The following ADGRG5 variants were observed in gnomAD, a reference collection of about 807,000 sequenced individuals.
ADGRG5 encodes adhesion G protein-coupled receptor G5, also known as G protein-coupled receptor 114.
Under a neutral mutation model 53.2 loss-of-function variants are expected in ADGRG5, and 37 were observed. That is an observed-to-expected ratio of 0.70 (90% CI 0.53 to 0.91). The LOEUF (loss-of-function observed/expected upper bound fraction) is 0.91, where lower values mean the gene tolerates loss of function less well. ADGRG5 is among the 40% of genes least tolerant of loss of function. ADGRG5 has a pLI of 0.00. For missense variants in ADGRG5, 614 were observed against 675.8 expected, an observed-to-expected ratio of 0.91 and a Z score of 1.01; for synonymous variants, 277 against 290.4, an observed-to-expected ratio of 0.95 and a Z score of 0.47.
chr16:57,563,692 T>C (rs2033060481), intron 4 of ADGRG5, among the ~76,000 whole-genome samples, 156 bp from the exon 5 acceptor site: 1 of 152,126 alleles, frequency 6.6e-6, no homozygotes, highest in African/African-American at 2.4e-5. Flanking sequence ...AGGCCTGGGA[T>C]CTTGGGAAGT....
chr16:57,540,571 G>T (rs1271934556), upstream of ADGRG5, among the ~76,000 whole-genome samples: 1 of 152,156 alleles, frequency 6.6e-6, no homozygotes, highest in East Asian at 1.9e-4. Context: ...CTTCCTGGAG[G>T]AGCAGGAGGC....
chr16:57,547,726 C>T (rs1438261867), intron 1 of ADGRG5, among the ~76,000 whole-genome samples: 32 of 151,418 alleles, frequency 2.1e-4, no homozygotes, highest in Admixed American at 2.1e-3. Context: ...GGATTACAGG[C>T]GTGAGCCACT....
chr16:57,529,320 C>G, the ADGRG5 span: 8 of 1,091,188 alleles, frequency 7.3e-6, no homozygotes, highest in Non-Finnish European at 9.0e-6. The surrounding 1 kb of genome is among the most constrained non-coding windows in gnomAD (Gnocchi z 4.1). Context: ...GACGCCTCCT[C>G]GGACCTACGG....
chr16:57,559,812 T>A (rs1183837068), intron 1 of ADGRG5, among the ~76,000 whole-genome samples: 1 of 152,144 alleles, frequency 6.6e-6, no homozygotes, highest in African/African-American at 2.4e-5. Flanking sequence ...TACTCCCATC[T>A]GACTCTCTAC....
chr16:57,563,622 C>T (rs1279045740), intron 4 of ADGRG5, among the ~76,000 whole-genome samples: 1 of 152,194 alleles, frequency 6.6e-6, no homozygotes, highest in Non-Finnish European at 1.5e-5. Flanking sequence ...GAGGTAGCTC[C>T]ATCTTCAGGG....
chr16:57,555,059 A>G (rs2032851112), intron 1 of ADGRG5, among the ~76,000 whole-genome samples: 1 of 151,928 alleles, frequency 6.6e-6, no homozygotes, highest in African/African-American at 2.4e-5. Flanking sequence ...ATCCTTTTAT[A>G]TTTATTGAGA....
upstream of ADGRG5, among the ~76,000 whole-genome samples, chr16:57,539,601 C>T (rs138223913): frequency 1.1e-3 from 169 of 151,286 alleles, 1 homozygote; most frequent in African/African-American, 4.0e-3. Context: ...TACAGGGGCA[C>T]GTTACCATGA....
At chr16:57,542,767 C>G (rs2146742529) in intron 1 of ADGRG5, 66 bp downstream of exon 1, 2 of 152,478 alleles carry the variant, frequency 1.3e-5, no homozygotes, top group Middle Eastern at 3.4e-3. Context: ...CCACAGGCCC[C>G]TCAGTGGGCA....
intron 5 of ADGRG5, 125 bp downstream of exon 5, chr16:57,564,104 C>A: frequency 9.7e-7 from 1 of 1,033,170 alleles, no homozygotes; most frequent in Non-Finnish European, 1.4e-6. Context: ...GCCATCTGTG[C>A]AATCCAAGCC....
At chr16:57,542,436 T>A (rs1598088376), upstream of ADGRG5, 1 of 152,436 alleles carries the variant, frequency 6.6e-6, no homozygotes, top group South Asian at 2.1e-4. Flanking sequence ...CTGCAGACTC[T>A]ACGGGGTGAT....
chr16:57,543,738 G>A (rs1391111801), intron 1 of ADGRG5, among the ~76,000 whole-genome samples: 7 of 152,098 alleles, frequency 4.6e-5, no homozygotes, highest in African/African-American at 1.7e-4. Context: ...GGTGGGCTTC[G>A]GGGGTGCATG....
chr16:57,557,709 T>C (rs1405110731), intron 1 of ADGRG5, among the ~76,000 whole-genome samples: 1 of 152,238 alleles, frequency 6.6e-6, no homozygotes. Context: ...TATTACACTA[T>C]CATCAAGTTC....
At chr16:57,536,328 G>A in the ADGRG5 span, among the ~76,000 whole-genome samples, 10 of 152,232 alleles carry the variant, frequency 6.6e-5, no homozygotes, top group Admixed American at 6.5e-4. Context: ...CCGGGGAGGC[G>A]TCTAGAAAGT....
At chr16:57,563,067 C>T (rs1402964163) in intron 3 of ADGRG5, 24 bp from the exon 4 acceptor site, 26 of 1,613,612 alleles carry the variant, frequency 1.6e-5, no homozygotes, top group Non-Finnish European at 2.2e-5. Context: ...CTCTGGCCTC[C>T]CTGGCCATCT....
the ADGRG5 span, among the ~76,000 whole-genome samples, chr16:57,534,277 G>C: frequency 1.3e-5 from 2 of 152,068 alleles, no homozygotes; most frequent in African/African-American, 4.8e-5. Context: ...GTGCCACTTA[G>C]AGCTTCCATC....
upstream of ADGRG5, among the ~76,000 whole-genome samples, chr16:57,540,723 C>G (rs1372368775): frequency 1.3e-5 from 2 of 152,172 alleles, no homozygotes; most frequent in Non-Finnish European, 2.9e-5. Context: ...CACAATCAGA[C>G]TGGGTGGCAA....
At chr16:57,554,221 T>G (rs368159469) in intron 1 of ADGRG5, among the ~76,000 whole-genome samples, 56 of 152,238 alleles carry the variant, frequency 3.7e-4, no homozygotes, top group African/African-American at 1.3e-3. Context: ...CCTCTTTTAT[T>G]GCTGATAACT....
chr16:57,539,494 C>T (rs1215141644), upstream of ADGRG5, among the ~76,000 whole-genome samples: 2 of 150,192 alleles, frequency 1.3e-5, no homozygotes, highest in Admixed American at 6.7e-5. Flanking sequence ...ACTCTGTCAC[C>T]CAGGCTGGAG....
At chr16:57,539,620 A>AT (rs35872844), upstream of ADGRG5, among the ~76,000 whole-genome samples, 4,492 of 142,446 alleles carry the variant, frequency 0.032, 187 homozygotes, top group African/African-American at 0.1. Flanking sequence ...GACCAACTAA[A>AT]TTTTTTTTTT....
Sources: gnomAD v4.1 joint callset for allele counts (sites outside exome capture counted in the v4.1 genomes callset) on GRCh38, gnomAD v4.1.1 for gene constraint, Gnocchi (gnomAD v3.1) non-coding constraint, MANE v1.5 for transcripts, NCBI Gene and HGNC (gene_info 2026-07-23, HGNC 2026-07-21) for gene names.